ARL15: variants seen among roughly 807,000 people sequenced by gnomAD.
ARL15 encodes ARF like GTPase 15.
ARL15 carries 19 observed loss-of-function variants against 25.2 expected under a neutral mutation model. The observed-to-expected ratio is 0.75, with a 90% CI of 0.53 to 1.10. The LOEUF (loss-of-function observed/expected upper bound fraction) is 1.10. Ranked by LOEUF, ARL15 falls within the 50% of genes least tolerant of loss-of-function variation. The probability of loss-of-function intolerance (pLI) is 0.00; values close to 1 mark genes in which losing one functional copy is unlikely to be tolerated. For synonymous variants in ARL15, 94 were observed against 86.8 expected (o/e 1.08, Z -0.46); for missense variants, 220 against 246.0 (o/e 0.89, Z 0.71).
chr5:54,151,070 C>G (rs1013713528), intron 3 of ARL15, among the ~76,000 whole-genome samples: 3 of 152,054 alleles, frequency 2.0e-5, no homozygotes, highest in African/African-American at 7.2e-5. Flanking sequence ...CTGGTGTTAT[C>G]TTATCTGTGA....
In ARL15 at chr5:54,000,883, T is replaced by G. The variant is rs540064140; in HGVS notation, c.462+112319A>C. On this transcript the variant is annotated intron_variant, in intron 4 of 4. Coordinates refer to ENST00000504924, the MANE Select transcript of ARL15 (RefSeq NM_019087.3). ...ACCCCTGTACCCAGGGCTGGCCTCA[T>G]GAGTGTGTGAGCCACTGTGCAGTCG... 1.4e-4 allele frequency among the ~76,000 whole-genome samples: 22 copies of G among 152,258 alleles called. No individual in the cohort carries two copies. In the South Asian group the frequency reaches 4.6e-3, roughly 32 times the overall value.
At chr5:54,142,016 A>G (rs546453515) in intron 3 of ARL15, among the ~76,000 whole-genome samples, 56 of 152,308 alleles carry the variant, frequency 3.7e-4, no homozygotes, top group African/African-American at 1.3e-3. Flanking sequence ...TTACAAATAA[A>G]CTGTGTACAA....
chr5:54,059,848 G>C (rs1751008378), intron 4 of ARL15, among the ~76,000 whole-genome samples: 1 of 152,100 alleles, frequency 6.6e-6, no homozygotes, highest in Non-Finnish European at 1.5e-5. Context: ...ATTAATGCTT[G>C]TATTTCATAT....
At chr5:54,131,407 T>C (rs1180441911) in intron 3 of ARL15, among the ~76,000 whole-genome samples, 2 of 152,204 alleles carry the variant, frequency 1.3e-5, no homozygotes, top group East Asian at 3.9e-4. Flanking sequence ...CCTGGGGATC[T>C]ACTTTTTCCC....
intron 4 of ARL15, among the ~76,000 whole-genome samples, chr5:53,890,216 C>T (rs1217128751): frequency 6.6e-6 from 1 of 152,092 alleles, no homozygotes; most frequent in African/African-American, 2.4e-5. Context: ...GAATTGTTCA[C>T]CATTGCTTTT....
chr5:54,165,695 T>G (rs1754542060), intron 2 of ARL15, among the ~76,000 whole-genome samples: 1 of 150,696 alleles, frequency 6.6e-6, no homozygotes, highest in South Asian at 2.1e-4. Context: ...CATATTTATA[T>G]GTATGTATAG....
intron 4 of ARL15, among the ~76,000 whole-genome samples, chr5:53,937,280 T>G (rs1746379192): frequency 6.8e-6 from 1 of 147,422 alleles, no homozygotes; most frequent in East Asian, 1.9e-4. Flanking sequence ...AATACACATG[T>G]GCACGCCTGC....
intron 1 of ARL15, among the ~76,000 whole-genome samples, chr5:54,264,612 T>C (rs1022646110): frequency 6.6e-6 from 1 of 152,178 alleles, no homozygotes; most frequent in African/African-American, 2.4e-5. Context: ...TCACTCACCC[T>C]ACTCTTTCTG....
chr5:54,221,592 A>G (rs1283862696), intron 1 of ARL15, among the ~76,000 whole-genome samples: 2 of 151,904 alleles, frequency 1.3e-5, no homozygotes, highest in African/African-American at 4.8e-5. Flanking sequence ...ACATCTGTAC[A>G]TGTACACACA....
At chr5:54,121,493 G>A (rs1331051566) in intron 3 of ARL15, among the ~76,000 whole-genome samples, 1 of 152,086 alleles carries the variant, frequency 6.6e-6, no homozygotes, top group Non-Finnish European at 1.5e-5. Context: ...TTTATAATGT[G>A]CATATCGAAT....
chr5:54,063,763 A>G (rs1382654216), intron 4 of ARL15, among the ~76,000 whole-genome samples: 2 of 152,192 alleles, frequency 1.3e-5, no homozygotes, highest in Non-Finnish European at 2.9e-5. Flanking sequence ...CTGCTGGACT[A>G]ACACAAATTA....
chr5:54,234,537 T>TA lies in ARL15; in HGVS notation c.49-62610dup, dbSNP rs148945114. Among the ~76,000 whole-genome samples, 222 of 152,226 alleles carry TA rather than the reference T, an allele frequency of 1.5e-3. 2 individuals carry two copies. The highest frequency in any genetic ancestry group is 5.2e-3 in the African/African-American group (217 of 41,526). On this transcript the variant is annotated intron_variant, in intron 1 of 4. Transcript: ENST00000504924. The stretch of plus-strand genomic sequence containing the variant: ...CCGTGCTCCCTTCTGCATCCTACAA[T>TA]AGCATCCACTGGTAAGGCCACTATT...
At chr5:54,225,859 A>G (rs1047978638) in intron 1 of ARL15, among the ~76,000 whole-genome samples, 5 of 152,182 alleles carry the variant, frequency 3.3e-5, no homozygotes, top group East Asian at 1.9e-4. Context: ...TTGGATTACC[A>G]TCTACCTTCT....
intron 4 of ARL15, among the ~76,000 whole-genome samples, chr5:54,107,411 C>G (rs952438000): frequency 6.6e-6 from 1 of 152,048 alleles, no homozygotes; most frequent in African/African-American, 2.4e-5. Flanking sequence ...CATAGAAGAT[C>G]TGTGGAATTA....
chr5:54,250,968 T>C (rs1757221438), intron 1 of ARL15, among the ~76,000 whole-genome samples: 2 of 152,204 alleles, frequency 1.3e-5, no homozygotes, highest in Non-Finnish European at 2.9e-5. Flanking sequence ...TTTAACTAAA[T>C]ATAGTTTTAC....
At chr5:54,143,752 A>C (rs1354565223) in intron 3 of ARL15, among the ~76,000 whole-genome samples, 1 of 152,020 alleles carries the variant, frequency 6.6e-6, no homozygotes, top group Middle Eastern at 3.2e-3. Context: ...AAATTCATGC[A>C]CTACAGATAA....
Position 54,200,211 on chromosome 5 carries a change from G to T in ARL15, c.49-28283C>A, listed in dbSNP as rs184249332. Among the ~76,000 whole-genome samples, 979 of 151,456 alleles carry T rather than the reference G, an allele frequency of 6.5e-3. 6 individuals carry two copies. Among genetic ancestry groups the T allele is most frequent in the Non-Finnish European group, 8.9e-3 (603 of 67,902 alleles). On this transcript the variant is annotated intron_variant, in intron 1 of 4. Transcript: ENST00000504924. ...ATAATGCTAGATGACGAGTTAGTGGGTGCAGCGCACCAGCATGGCACATGT... is the reference window on the plus strand; with the variant it reads ...ATAATGCTAGATGACGAGTTAGTGGTTGCAGCGCACCAGCATGGCACATGT...
At chr5:53,978,647 G>T (rs373239211) in intron 4 of ARL15, among the ~76,000 whole-genome samples, 2 of 122,016 alleles carry the variant, frequency 1.6e-5, no homozygotes, top group African/African-American at 5.6e-5. Flanking sequence ...GAAAAGAAAA[G>T]AAAGAAATAA....
At chr5:53,903,830 C>T (rs536205874) in intron 4 of ARL15, among the ~76,000 whole-genome samples, 1 of 152,220 alleles carries the variant, frequency 6.6e-6, no homozygotes, top group Non-Finnish European at 1.5e-5. Context: ...AGGAAGTAGC[C>T]ACCTTTCACT....
Sources: gnomAD v4.1 joint callset for allele counts (sites outside exome capture counted in the v4.1 genomes callset) on GRCh38, gnomAD v4.1.1 for gene constraint, MANE v1.5 for transcripts, NCBI Gene and HGNC (gene_info 2026-07-23, HGNC 2026-07-21) for gene names.